Variants in HPSE2 observed in about 807,000 individuals in gnomAD.
The protein encoded by HPSE2 is inactive heparanase-2.
In HPSE2, 38 loss-of-function variants were observed where a neutral mutation model predicts 60.5. The observed-to-expected ratio is 0.63, with a 90% CI of 0.48 to 0.82. The LOEUF (loss-of-function observed/expected upper bound fraction) is 0.82. HPSE2 is among the 40% of genes least tolerant of loss of function. HPSE2 has a pLI of 0.00. For synonymous variants in HPSE2, 295 were observed against 293.2 expected (o/e 1.01, Z -0.06); for missense variants, 713 against 740.4 (o/e 0.96, Z 0.43).
At chr10:99,063,822 G>T (rs944912982) in intron 3 of HPSE2, among the ~76,000 whole-genome samples, 2 of 152,218 alleles carry the variant, frequency 1.3e-5, no homozygotes, top group African/African-American at 4.8e-5. Flanking sequence ...GCCGGGCGCA[G>T]TGGCTTACAC....
intron 3 of HPSE2, among the ~76,000 whole-genome samples, chr10:98,853,451 T>A (rs759372476): frequency 9.2e-5 from 14 of 151,876 alleles, no homozygotes; most frequent in Non-Finnish European, 1.8e-4. Context: ...AGAAAAAGAG[T>A]TCCCTATCTT....
At chr10:99,146,962 C>T (rs1039423805) in intron 2 of HPSE2, among the ~76,000 whole-genome samples, 10 of 152,184 alleles carry the variant, frequency 6.6e-5, no homozygotes, top group Non-Finnish European at 1.3e-4. Flanking sequence ...CTTTATTGAC[C>T]TACCATACCT....
intron 5 of HPSE2, among the ~76,000 whole-genome samples, chr10:98,717,611 T>C (rs1407479782): frequency 6.6e-6 from 1 of 152,038 alleles, no homozygotes; most frequent in Non-Finnish European, 1.5e-5. Flanking sequence ...GATGCGAGAA[T>C]GGCTGGTGGG....
intron 9 of HPSE2, among the ~76,000 whole-genome samples, chr10:98,532,444 G>T (rs1325508249): frequency 6.6e-6 from 1 of 152,124 alleles, no homozygotes; most frequent in African/African-American, 2.4e-5. Flanking sequence ...AGCACCCTTT[G>T]CCTCACTTAT....
chr10:99,051,346 T>G (rs1957987380), intron 3 of HPSE2, among the ~76,000 whole-genome samples: 1 of 152,154 alleles, frequency 6.6e-6, no homozygotes, highest in African/African-American at 2.4e-5. Context: ...ATATTCTCCA[T>G]TTTTCCCATG....
chr10:98,475,512 G>A (rs56754516), intron 11 of HPSE2, among the ~76,000 whole-genome samples: 61,524 of 151,880 alleles, frequency 0.41, 13,537 homozygotes, highest in African/African-American at 0.6. Flanking sequence ...AGGATCAATA[G>A]AACTGGTGAA....
intron 3 of HPSE2, among the ~76,000 whole-genome samples, chr10:99,065,966 T>C (rs2135534787): frequency 1.3e-5 from 1 of 78,334 alleles, no homozygotes; most frequent in East Asian, 5.5e-4. Context: ...ACAAGTAAAA[T>C]GATAAGTCAC....
Position 99,232,414 on chromosome 10 carries a change from G to A in HPSE2, c.382C>T (p.Leu128=), listed in dbSNP as rs11593055. The A allele has an allele frequency of 1.3e-6, 2 of 1,553,202 alleles. No individual in the cohort carries two copies. The highest frequency in any genetic ancestry group is 1.7e-6 in the Non-Finnish European group (2 of 1,147,874). Reference sequence around the variant, plus strand: ...CCGCGGCTTTTCGCCGGGTTCCTCAGGTTCTGGAACTGCAGGAAGTCGGTC... The same window carrying A: ...CCGCGGCTTTTCGCCGGGTTCCTCAAGTTCTGGAACTGCAGGAAGTCGGTC... ...KRTDFLQFQN[L]RNPAKSRGGP... is the part of the protein sequence containing the mutation. The change falls in exon 2 of 12, where the codon CTG becomes TTG. Residue 128 remains leucine, a synonymous_variant. Transcript: ENST00000370552.
chr10:98,524,039 C>A lies in HPSE2; in HGVS notation c.1321-33843G>T, dbSNP rs537170436. 1.2e-3 allele frequency among the ~76,000 whole-genome samples: 189 copies of A among 152,322 alleles called. 3 individuals carry two copies. Among genetic ancestry groups the A allele is most frequent in the Non-Finnish European group, 3.7e-4 (25 of 68,034 alleles). ...ACCTGCTTTCTCCCAGCTACCCAAT[C>A]CTTGAACCCTTTCTCAGTCCCAGGG... is the stretch of plus-strand genomic sequence containing the variant. On this transcript the variant is annotated intron_variant, in intron 9 of 11. Coordinates refer to ENST00000370552, the MANE Select transcript of HPSE2 (RefSeq NM_021828.5).
intron 3 of HPSE2, among the ~76,000 whole-genome samples, chr10:98,944,468 T>A (rs1036094932): frequency 6.6e-6 from 1 of 152,176 alleles, no homozygotes; most frequent in African/African-American, 2.4e-5. Context: ...TAGCACTGCC[T>A]TAGGTGAATT....
chr10:98,478,850 G>A (rs955562424), intron 11 of HPSE2, among the ~76,000 whole-genome samples: 1 of 152,146 alleles, frequency 6.6e-6, no homozygotes, highest in Non-Finnish European at 1.5e-5. Context: ...ATGGGCTAGA[G>A]AGCACCTACT....
intron 3 of HPSE2, among the ~76,000 whole-genome samples, chr10:98,889,092 A>T (rs1953255919): frequency 6.6e-6 from 1 of 152,160 alleles, no homozygotes; most frequent in Non-Finnish European, 1.5e-5. Flanking sequence ...TTAAAACAAC[A>T]TAGATTTTTT....
intron 3 of HPSE2, among the ~76,000 whole-genome samples, chr10:98,852,127 G>GTGTGTGTT (rs1952191649): frequency 7.5e-6 from 1 of 132,688 alleles, no homozygotes; most frequent in Non-Finnish European, 1.6e-5. Flanking sequence ...GTGTGTGTGT[G>GTGTGTGTT]TGTGTGTGTG....
intron 9 of HPSE2, among the ~76,000 whole-genome samples, chr10:98,564,203 T>A (rs1204733238): frequency 1.3e-5 from 2 of 152,200 alleles, no homozygotes; most frequent in African/African-American, 2.4e-5. Context: ...AAGTGTTACC[T>A]CTTTCCCAGG....
chr10:98,980,654 A>G (rs1176643853), intron 3 of HPSE2, among the ~76,000 whole-genome samples: 4 of 152,212 alleles, frequency 2.6e-5, no homozygotes, highest in African/African-American at 7.2e-5. Flanking sequence ...TTGTTACAGT[A>G]GCATACTCCT....
intron 9 of HPSE2, among the ~76,000 whole-genome samples, chr10:98,569,891 A>T (rs2133894726): frequency 6.6e-6 from 1 of 152,192 alleles, no homozygotes; most frequent in East Asian, 1.9e-4. Flanking sequence ...GGGTCCTCCA[A>T]CTCCCAAACA....
chr10:98,544,507 G>A (rs1406504937), intron 9 of HPSE2, among the ~76,000 whole-genome samples: 2 of 151,658 alleles, frequency 1.3e-5, no homozygotes, highest in Non-Finnish European at 2.9e-5. Context: ...TCAGGAGATC[G>A]AGACCATCCT....
intron 3 of HPSE2, among the ~76,000 whole-genome samples, chr10:98,819,029 T>A (rs528538880): frequency 6.6e-6 from 1 of 152,328 alleles, no homozygotes; most frequent in East Asian, 1.9e-4. Flanking sequence ...TTTAACACTA[T>A]AAAACTAAAT....
chr10:99,141,776 T>A (rs1845874792), intron 3 of HPSE2, among the ~76,000 whole-genome samples: 2 of 152,108 alleles, frequency 1.3e-5, no homozygotes, highest in South Asian at 4.1e-4. Context: ...CAGGTAAAGG[T>A]GGAACATCAA....
Sources: allele counts gnomAD v4.1 joint callset (sites outside exome capture counted in the v4.1 genomes callset), GRCh38; gene constraint gnomAD v4.1.1; transcripts MANE v1.5; gene names NCBI Gene and HGNC (gene_info 2026-07-23, HGNC 2026-07-21).